CTNNA2: variants seen among roughly 807,000 people sequenced by gnomAD.
CTNNA2 encodes the protein catenin alpha-2.
A neutral mutation model predicts 101.0 loss-of-function variants in CTNNA2; 42 were observed. The observed-to-expected ratio is 0.42, with a 90% confidence interval of 0.32 to 0.54. The LOEUF is 0.54. Among genes scored for constraint, CTNNA2 ranks in the 20% least tolerant of loss-of-function variants. The pLI is 0.14. For missense variants in CTNNA2, 871 were observed against 1,223.1 expected (o/e 0.71, Z 4.29); for synonymous variants, 450 against 456.4 (o/e 0.99, Z 0.18).
intron 3 of CTNNA2, among the ~76,000 whole-genome samples, chr2:79,337,414 A>T (rs1036811000): frequency 6.6e-6 from 1 of 152,210 alleles, no homozygotes; most frequent in Admixed American, 6.5e-5. Flanking sequence ...TTTTCAAAAG[A>T]AAATGTACAT....
chr2:79,344,418 C>T (rs187442100), intron 3 of CTNNA2, among the ~76,000 whole-genome samples: 4 of 152,108 alleles, frequency 2.6e-5, no homozygotes, highest in Non-Finnish European at 5.9e-5. Flanking sequence ...CTCTGAATAA[C>T]TTGAAAAGTC....
At chr2:79,629,025 G>A (rs559228885) in intron 1 of CTNNA2, among the ~76,000 whole-genome samples, 1 of 152,262 alleles carries the variant, frequency 6.6e-6, no homozygotes, top group South Asian at 2.1e-4. Context: ...GTTGTACCAA[G>A]AATAAAATCT....
intron 4 of CTNNA2, among the ~76,000 whole-genome samples, chr2:79,466,060 C>G (rs545858276): frequency 3.9e-5 from 6 of 152,334 alleles, no homozygotes; most frequent in Admixed American, 3.9e-4. Flanking sequence ...GTGCAGCCCA[C>G]TGAGCATTAG....
intron 7 of CTNNA2, chr2:80,163,088 C>A (rs150743828): frequency 2.5e-6 from 4 of 1,579,774 alleles, no homozygotes; most frequent in Non-Finnish European, 3.5e-6. Context: ...AATTCACAAA[C>A]GCAAACTGCT....
chr2:79,541,799 G>A (rs1269178060), intron 1 of CTNNA2, among the ~76,000 whole-genome samples: 1 of 151,854 alleles, frequency 6.6e-6, no homozygotes, highest in African/African-American at 2.4e-5. Context: ...ACTAATTTTT[G>A]TATTTGTAGT....
At chr2:80,020,621 ATTC>A (rs1445350713) in intron 7 of CTNNA2, among the ~76,000 whole-genome samples, 1 of 152,208 alleles carries the variant, frequency 6.6e-6, no homozygotes, top group African/African-American at 2.4e-5. Context: ...TTATTAGACT[ATTC>A]TTCTATACTA....
intron 4 of CTNNA2, among the ~76,000 whole-genome samples, chr2:79,860,481 T>G (rs1358380423): frequency 1.3e-5 from 2 of 149,950 alleles, no homozygotes; most frequent in Non-Finnish European, 3.0e-5. Flanking sequence ...GCTCATCAGA[T>G]CACAGAAGCC....
intron 1 of CTNNA2, among the ~76,000 whole-genome samples, chr2:79,614,926 C>T (rs1460068450): frequency 6.6e-6 from 1 of 152,134 alleles, no homozygotes; most frequent in Non-Finnish European, 1.5e-5. Context: ...TAAAGTTTCT[C>T]TCATGCATAG....
chr2:80,219,074 C>T (rs1414490082), intron 7 of CTNNA2, among the ~76,000 whole-genome samples: 1 of 152,012 alleles, frequency 6.6e-6, no homozygotes, highest in Non-Finnish European at 1.5e-5. Context: ...AATCCATTTT[C>T]AAGAGCTAAA....
intron 2 of CTNNA2, among the ~76,000 whole-genome samples, chr2:79,704,314 A>G (rs7584387): frequency 5.3e-5 from 8 of 152,104 alleles, no homozygotes; most frequent in Non-Finnish European, 1.2e-4. Context: ...TATTGTTACT[A>G]TAGCAGAGGA....
intron 3 of CTNNA2, among the ~76,000 whole-genome samples, chr2:79,361,609 T>C (rs1677631339): frequency 6.6e-6 from 1 of 152,180 alleles, no homozygotes; most frequent in Non-Finnish European, 1.5e-5. Context: ...TAGTCGGGGT[T>C]CTCTAGAGGG....
intron 2 of CTNNA2, among the ~76,000 whole-genome samples, chr2:79,743,182 A>G (rs1671414525): frequency 6.6e-6 from 1 of 152,116 alleles, no homozygotes; most frequent in African/African-American, 2.4e-5. Flanking sequence ...CGATAAAAAA[A>G]AAATACAGCA....
chr2:79,940,170 A>G (rs564282891), intron 7 of CTNNA2, among the ~76,000 whole-genome samples: 2 of 152,338 alleles, frequency 1.3e-5, no homozygotes, highest in Admixed American at 6.5e-5. Flanking sequence ...TTTTCTTTTT[A>G]TAAATTAGAT....
At chr2:79,742,004 G>T (rs1671319688) in intron 2 of CTNNA2, among the ~76,000 whole-genome samples, 1 of 151,958 alleles carries the variant, frequency 6.6e-6, no homozygotes, top group Non-Finnish European at 1.5e-5. Context: ...TTCCACCCAT[G>T]AGTACATGAG....
intron 14 of CTNNA2, 59 bp from the exon 15 acceptor site, chr2:80,589,245 A>G: frequency 6.4e-7 from 1 of 1,558,354 alleles, no homozygotes; most frequent in Non-Finnish European, 8.8e-7. Context: ...GGCAGAGTCA[A>G]CATACGGTCT....
intron 9 of CTNNA2, among the ~76,000 whole-genome samples, chr2:80,537,899 C>T (rs1691183771): frequency 6.6e-6 from 1 of 152,044 alleles, no homozygotes; most frequent in Non-Finnish European, 1.5e-5. Flanking sequence ...GCCCTGTTTC[C>T]TGACTTTTTA....
At chr2:79,924,465 G>C (rs1004540336) in intron 7 of CTNNA2, among the ~76,000 whole-genome samples, 2 of 152,100 alleles carry the variant, frequency 1.3e-5, no homozygotes, top group Admixed American at 6.6e-5. Flanking sequence ...TCTTTAAAAG[G>C]AAATGGCTTA....
intron 3 of CTNNA2, among the ~76,000 whole-genome samples, chr2:79,778,143 A>G (rs563990537): frequency 6.6e-6 from 1 of 151,992 alleles, no homozygotes; most frequent in South Asian, 2.1e-4. Context: ...GGAGTTTGAG[A>G]CCACCCAGGG....
chr2:80,081,681 A>T (rs1699159146), intron 7 of CTNNA2, among the ~76,000 whole-genome samples: 3 of 151,380 alleles, frequency 2.0e-5, no homozygotes, highest in Non-Finnish European at 4.4e-5. Context: ...GTTTAATTTC[A>T]CTTTCTTTTT....
Sources: gnomAD v4.1 joint callset for allele counts (sites outside exome capture counted in the v4.1 genomes callset) on GRCh38, gnomAD v4.1.1 for gene constraint, MANE v1.5 for transcripts, NCBI Gene and HGNC (gene_info 2026-07-23, HGNC 2026-07-21) for gene names.